CNTN4: variants seen among roughly 807,000 people sequenced by gnomAD.
CNTN4 encodes the protein contactin-4.
In CNTN4, 77 loss-of-function variants were observed where a neutral mutation model predicts 122.5. The ratio of observed to expected loss-of-function variants is 0.63; its 90% CI spans 0.52 to 0.76. The LOEUF (loss-of-function observed/expected upper bound fraction) is 0.76. Ranked by LOEUF, CNTN4 falls within the 30% of genes least tolerant of loss-of-function variation. The pLI, the probability that CNTN4 is intolerant of heterozygous loss-of-function variation, is 0.00. For synonymous variants in CNTN4, 512 were observed against 447.0 expected (o/e 1.15, Z -1.83); for missense variants, 1,256 against 1,259.1 (o/e 1.00, Z 0.04).
At chr3:2,529,273 G>T (rs961489855) in intron 3 of CNTN4, among the ~76,000 whole-genome samples, 1 of 152,052 alleles carries the variant, frequency 6.6e-6, no homozygotes, top group Admixed American at 6.6e-5. Flanking sequence ...GTTGCCCCAC[G>T]TGAGAGGATA....
At chr3:2,530,005 T>C (rs2149222397) in intron 3 of CNTN4, among the ~76,000 whole-genome samples, 1 of 152,306 alleles carries the variant, frequency 6.6e-6, no homozygotes, top group African/African-American at 2.4e-5. Flanking sequence ...CTGTGCTTTT[T>C]AGATTTCCCT....
intron 3 of CNTN4, among the ~76,000 whole-genome samples, chr3:2,545,629 T>A (rs1215707757): frequency 6.6e-6 from 1 of 151,958 alleles, no homozygotes; most frequent in African/African-American, 2.4e-5. Context: ...TTTTTTTTTT[T>A]TATCCTTTTC....
chr3:2,132,125 A>G (rs1469123476), intron 2 of CNTN4, among the ~76,000 whole-genome samples: 1 of 152,144 alleles, frequency 6.6e-6, no homozygotes, highest in Non-Finnish European at 1.5e-5. Context: ...ACTGCCATGT[A>G]AGAAGTCTGA....
At chr3:2,538,554 C>T (rs2077902541) in intron 3 of CNTN4, among the ~76,000 whole-genome samples, 1 of 152,030 alleles carries the variant, frequency 6.6e-6, no homozygotes, top group Admixed American at 6.6e-5. Flanking sequence ...CATTAATATA[C>T]TAACTTGTCT....
chr3:3,052,239 T>G (rs972357338), intron 23 of CNTN4, among the ~76,000 whole-genome samples: 3 of 152,196 alleles, frequency 2.0e-5, no homozygotes, highest in African/African-American at 7.2e-5. Flanking sequence ...CTCCTCACAG[T>G]CAACACTTTG....
chr3:2,705,737 GAT>G (rs1190106893), intron 4 of CNTN4, among the ~76,000 whole-genome samples: 56 of 87,242 alleles, frequency 6.4e-4, no homozygotes, highest in Non-Finnish European at 9.8e-4. Context: ...AAATATATAT[GAT>G]ATATATGATA....
At chr3:2,870,518 T>C (rs924179014) in intron 8 of CNTN4, among the ~76,000 whole-genome samples, 2 of 152,292 alleles carry the variant, frequency 1.3e-5, no homozygotes, top group East Asian at 3.9e-4. Context: ...GAGGACATTC[T>C]TGTTAAAATC....
chr3:2,960,755 T>C (rs1208827326), intron 13 of CNTN4, among the ~76,000 whole-genome samples: 1 of 152,202 alleles, frequency 6.6e-6, no homozygotes, highest in East Asian at 1.9e-4. Flanking sequence ...GCTTTGCACA[T>C]GTCCTGCGTC....
intron 3 of CNTN4, among the ~76,000 whole-genome samples, chr3:2,410,472 A>G (rs577482642): frequency 6.6e-6 from 1 of 152,304 alleles, no homozygotes; most frequent in African/African-American, 2.4e-5. Context: ...TATAAAATTA[A>G]TCCCTTCTCT....
chr3:2,219,625 G>T (rs2038983237), intron 2 of CNTN4, among the ~76,000 whole-genome samples: 1 of 151,768 alleles, frequency 6.6e-6, no homozygotes, highest in South Asian at 2.1e-4. Flanking sequence ...CTTTAATTTA[G>T]GCTCATATCT....
chr3:2,354,865 A>G (rs1010999327), intron 3 of CNTN4, among the ~76,000 whole-genome samples: 3 of 152,226 alleles, frequency 2.0e-5, no homozygotes, highest in African/African-American at 7.2e-5. Flanking sequence ...ACAAGCAGGC[A>G]TAAACCATTT....
At position 2,503,541 on chromosome 3, in the gene CNTN4, C is replaced by T. The variant is rs114894605; in HGVS notation, c.-88-67875C>T. ...TCTGCAAGATAAGTACTATCATTAT[C>T]CCCATTTTACAGAAAGTTGGGCATA... On this transcript the variant is annotated intron_variant, in intron 3 of 24. Transcript: ENST00000418658. Among the ~76,000 whole-genome samples, 598 of 152,168 alleles carry T rather than the reference C, an allele frequency of 3.9e-3. 3 individuals carry two copies. The highest frequency in any genetic ancestry group is 0.017 in the Middle Eastern group (5 of 294).
chr3:2,227,170 A>G (rs1356421859), intron 2 of CNTN4, among the ~76,000 whole-genome samples: 1 of 152,184 alleles, frequency 6.6e-6, no homozygotes, highest in East Asian at 1.9e-4. Context: ...CATATCAAAA[A>G]AAAGGAAAGA....
rs1046891136 is a variant in CNTN4 at position 2,600,375 on chromosome 3, G to A, written c.55+28817G>A. Among the ~76,000 whole-genome samples the A allele has an allele frequency of 2.1e-4, 32 of 151,960 alleles. 1 individual carries two copies. Among genetic ancestry groups the A allele is most frequent in the South Asian group, 1.0e-3 (5 of 4,808 alleles). On this transcript the variant is annotated intron_variant, in intron 4 of 24. Coordinates refer to ENST00000418658, the MANE Select transcript of CNTN4 (RefSeq NM_175607.3). ...CCTCCCGCACCCCACAACAGGCCCC[G>A]GTGTGTGATGTCCCCCTTCCTGTGT...
chr3:2,290,699 G>A (rs910299971), intron 2 of CNTN4, among the ~76,000 whole-genome samples: 6 of 152,298 alleles, frequency 3.9e-5, no homozygotes, highest in African/African-American at 4.8e-5. Context: ...GTATTGTTGC[G>A]AGGGAACAGG....
chr3:2,490,133 G>C (rs2076273983), intron 3 of CNTN4, among the ~76,000 whole-genome samples: 1 of 136,516 alleles, frequency 7.3e-6, no homozygotes, highest in Non-Finnish European at 1.5e-5. Context: ...GAATTTTCAA[G>C]TCTGCTTACA....
At chr3:2,587,270 T>C (rs1299002662) in intron 4 of CNTN4, among the ~76,000 whole-genome samples, 2 of 152,196 alleles carry the variant, frequency 1.3e-5, no homozygotes, top group East Asian at 3.8e-4. Flanking sequence ...TAAACTCACA[T>C]CTTTTCTGAG....
chr3:2,987,231 AAACAGT>A (rs200256021), intron 13 of CNTN4, among the ~76,000 whole-genome samples: 2,324 of 152,328 alleles, frequency 0.015, 66 homozygotes, highest in African/African-American at 0.052. Flanking sequence ...GATTAGAACA[AAACAGT>A]AAGCAAGAGA....
Position 2,514,154 on chromosome 3 carries a change from C to T in CNTN4, c.-88-57262C>T, listed in dbSNP as rs1479549. ...CCTTGCATTCTTTGTTTTGGACCCT[C>T]GGCAGACTGTTTTGTTTGACCCCAG... On this transcript the variant is annotated intron_variant, in intron 3 of 24. Coordinates refer to ENST00000418658, the MANE Select transcript of CNTN4 (RefSeq NM_175607.3). 1.2e-3 allele frequency among the ~76,000 whole-genome samples: 180 copies of T among 152,250 alleles called. 1 individual carries two copies. The highest frequency in any genetic ancestry group is 3.9e-3 in the African/African-American group (160 of 41,550).
Sources: allele counts gnomAD v4.1 joint callset (sites outside exome capture counted in the v4.1 genomes callset), GRCh38; gene constraint gnomAD v4.1.1; transcripts MANE v1.5; gene names NCBI Gene and HGNC (gene_info 2026-07-23, HGNC 2026-07-21).